Variants in PCGF3 observed in about 807,000 individuals in gnomAD.
PCGF3 encodes polycomb group RING finger protein 3.
Under a neutral mutation model 33.1 loss-of-function variants are expected in PCGF3, and 7 were observed. That is an observed-to-expected ratio of 0.21 (90% confidence interval 0.12 to 0.40). The LOEUF (loss-of-function observed/expected upper bound fraction) is 0.40, where lower values mean the gene tolerates loss of function less well. Ranked by LOEUF, PCGF3 falls within the 10% of genes least tolerant of loss-of-function variation. The pLI is 1.00. For synonymous variants in PCGF3, 153 were observed against 121.3 expected (o/e 1.26, Z -1.72); for missense variants, 211 against 313.3 (o/e 0.67, Z 2.46).
rs1258210041 is a variant in PCGF3, at chr4:721,831, GTC to G, written c.-189-8795_-189-8794del. On this transcript the variant is annotated intron_variant, in intron 1 of 10. Transcript: ENST00000362003. This position sits in a 1 kb window ranked among gnomAD's most constrained non-coding sequence, Gnocchi z 4.1. Reference sequence around the variant, plus strand: ...GCCTGTGGGAGGTGGGTGGATGGGTGTCTCTGCATGTGGGTGTGGAAAGAGGC... The same window carrying G: ...GCCTGTGGGAGGTGGGTGGATGGGTGTCTGCATGTGGGTGTGGAAAGAGGC... Among the ~76,000 whole-genome samples the G allele has an allele frequency of 1.3e-5, 2 of 150,478 alleles. No homozygotes were observed. The highest frequency in any genetic ancestry group is 3.9e-4 in the East Asian group (2 of 5,102).
At chr4:768,159 C>T (rs76817730) in exon 11 of PCGF3, 3 of 152,784 alleles carry the variant, frequency 2.0e-5, no homozygotes, top group Non-Finnish European at 2.9e-5. Context: ...GCGCCCGTGT[C>T]GATGTCTTCA....
chr4:730,032 C>T (rs1289937093), intron 1 of PCGF3, among the ~76,000 whole-genome samples: 4 of 152,030 alleles, frequency 2.6e-5, no homozygotes, highest in Non-Finnish European at 5.9e-5. Context: ...GGACTGTGTC[C>T]CTCCCCTGCC....
At chr4:767,819 G>A (rs1469965945) in exon 11 of PCGF3, 4 of 152,622 alleles carry the variant, frequency 2.6e-5, no homozygotes, top group African/African-American at 9.7e-5. Context: ...CACTGTATAA[G>A]GGTCTATGAG....
At chr4:758,351 CCAGGTCTTTCTCCCCT>C (rs1343994931) in intron 8 of PCGF3, among the ~76,000 whole-genome samples, 1 of 146,962 alleles carries the variant, frequency 6.8e-6, no homozygotes, top group African/African-American at 2.6e-5. Context: ...GCTCCGGACT[CCAGGTCTTTCTCCCCT>C]CGAGGCCCCT....
chr4:740,144 C>T lies in PCGF3; in HGVS notation c.262+2623C>T, dbSNP rs993409969. ...CGACCAGAGGCCTCTTCCTGAAACG[C>T]GCGTTAGCTGCGAGGATGCAGTGGT... is the stretch of plus-strand genomic sequence containing the variant. On this transcript the variant is annotated intron_variant, in intron 6 of 10. Transcript: ENST00000362003. 3.3e-5 allele frequency among the ~76,000 whole-genome samples: 5 copies of T among 152,258 alleles called. No homozygotes were observed. The East Asian group carries it at 7.7e-4, about 23-fold the overall frequency.
intron 3 of PCGF3, 129 bp downstream of exon 3, chr4:731,239 C>T: frequency 2.5e-6 from 1 of 398,620 alleles, no homozygotes; most frequent in East Asian, 3.6e-5. Flanking sequence ...TCACGGTTCA[C>T]TGCCGAGTTT....
intron 8 of PCGF3, among the ~76,000 whole-genome samples, chr4:758,628 C>G (rs1308423894): frequency 2.3e-5 from 3 of 129,448 alleles, no homozygotes; most frequent in Non-Finnish European, 5.0e-5. Flanking sequence ...TTTCTCCCCG[C>G]GCGGCCCCTC....
exon 11 of PCGF3, chr4:767,908 T>C (rs946210559): frequency 2.6e-5 from 4 of 152,690 alleles, no homozygotes; most frequent in South Asian, 2.1e-4. Context: ...CCGTGTGTTA[T>C]CACAGTGCAG....
At chr4:769,973 G>C (rs925638149) in exon 11 of PCGF3, 1 of 152,570 alleles carries the variant, frequency 6.6e-6, no homozygotes, top group Non-Finnish European at 1.5e-5. Flanking sequence ...GCTAGTTTTT[G>C]TCAAATCTTT....
intron 1 of PCGF3, among the ~76,000 whole-genome samples, chr4:715,071 A>C (rs1577395394): frequency 6.8e-6 from 1 of 147,676 alleles, no homozygotes. Flanking sequence ...TGAGTGTGAG[A>C]ACTGGGCGTC....
intron 1 of PCGF3, among the ~76,000 whole-genome samples, chr4:715,370 AGT>A (rs1742771912): frequency 7.2e-6 from 1 of 138,394 alleles, no homozygotes; most frequent in African/African-American, 2.7e-5. Context: ...AGACACTGTG[AGT>A]GTGAGAACCG....
intron 8 of PCGF3, among the ~76,000 whole-genome samples, chr4:749,039 GT>G (rs1744395962): frequency 6.6e-6 from 1 of 152,104 alleles, no homozygotes; most frequent in Admixed American, 6.5e-5. Context: ...CTGTTTTGCA[GT>G]TTTAAATTTA....
At chr4:742,653 C>T (rs983667533) in intron 6 of PCGF3, among the ~76,000 whole-genome samples, 1 of 152,190 alleles carries the variant, frequency 6.6e-6, no homozygotes, top group African/African-American at 2.4e-5. Context: ...AGGTTCTGGC[C>T]AGCTCTTGCT....
intron 1 of PCGF3, among the ~76,000 whole-genome samples, chr4:727,242 T>C (rs1180163286): frequency 7.0e-6 from 1 of 142,618 alleles, no homozygotes; most frequent in African/African-American, 2.6e-5. Flanking sequence ...TCTTTTTTTT[T>C]TTTTTTTTTT....
rs553603919 is a variant in PCGF3 at position 744,485 on chromosome 4, G to A, written c.374-115G>A. ...CTTTGACGCTTACTCCGCTCCGGGG[G>A]TCCAGAGTCTCTTAATGGAGTGAAT... On this transcript the variant is annotated intron_variant, in intron 7 of 10. Transcript: ENST00000362003. 67 of 773,778 alleles carry A rather than the reference G, an allele frequency of 8.7e-5. No homozygotes were observed. The African/African-American group carries it at 9.6e-4, about 11-fold the overall frequency. 47.9% of individuals were successfully genotyped at this position (773,778 alleles called of 1,614,324 possible).
At chr4:764,582 A>AGG (rs1296994377) in intron 9 of PCGF3, 24 of 168,662 alleles carry the variant, frequency 1.4e-4, no homozygotes, top group Admixed American at 8.5e-4. Context: ...TCAGTACGGC[A>AGG]GGTGTGGTAG....
chr4:742,541 G>C (rs568672634), intron 6 of PCGF3, among the ~76,000 whole-genome samples: 1 of 152,194 alleles, frequency 6.6e-6, no homozygotes, highest in Non-Finnish European at 1.5e-5. Context: ...GTGTGTTCCC[G>C]AGCAGTGACC....
chr4:720,642 C>T lies in PCGF3; in HGVS notation c.-189-9988C>T, dbSNP rs953246616. 6.7e-6 allele frequency among the ~76,000 whole-genome samples: 1 copy of T among 149,812 alleles called. No homozygotes were observed. The highest frequency in any genetic ancestry group is 1.5e-5 in the Non-Finnish European group (1 of 67,564). ...ACGGGCGGTGACGTGCGTGTGGACC[C>T]GGGGTGGACGGGCGGTGACGTGCGT... is the stretch of plus-strand genomic sequence containing the variant. On this transcript the variant is annotated intron_variant, in intron 1 of 10. Coordinates refer to ENST00000362003, the Ensembl canonical transcript of PCGF3. The surrounding 1 kb of genome is among the most constrained non-coding windows in gnomAD (Gnocchi z 5.6).
chr4:733,018 G>T (rs1401239756), intron 3 of PCGF3, among the ~76,000 whole-genome samples: 1 of 150,814 alleles, frequency 6.6e-6, no homozygotes, highest in Non-Finnish European at 1.5e-5. Flanking sequence ...CTGTGGCCTG[G>T]CATTGTGCCC....
Sources: allele counts gnomAD v4.1 joint callset (sites outside exome capture counted in the v4.1 genomes callset), GRCh38; gene constraint gnomAD v4.1.1; non-coding constraint Gnocchi (gnomAD v3.1); transcripts MANE v1.5; gene names NCBI Gene and HGNC (gene_info 2026-07-23, HGNC 2026-07-21).